The following CD99 variants were observed in gnomAD, a reference collection of about 807,000 sequenced individuals.
The protein encoded by CD99 is CD99 antigen.
A neutral mutation model predicts 28.4 loss-of-function variants in CD99; 19 were observed. The observed-to-expected ratio is 0.67, with a 90% CI of 0.47 to 0.98. The LOEUF (loss-of-function observed/expected upper bound fraction) is 0.98. Ranked by LOEUF, CD99 falls within the 50% of genes least tolerant of loss-of-function variation. CD99 has a pLI of 0.00. For synonymous variants in CD99, 103 were observed against 92.1 expected (o/e 1.12, Z -0.67); for missense variants, 283 against 248.8 (o/e 1.14, Z -0.92).
intron 2 of CD99, 100 bp from the exon 3 acceptor site, chrX:2,717,505 C>T (rs1364520629): frequency 3.7e-5 from 36 of 961,616 alleles, no homozygotes; most frequent in Admixed American, 7.5e-5. Context: ...AAACATTCTC[C>T]GACTGTTTCC....
At chrX:2,727,232 C>T (rs776492369) in intron 8 of CD99, 5 of 755,892 alleles carry the variant, frequency 6.6e-6, no homozygotes, top group South Asian at 2.8e-5. Context: ...TTTCTTGGAT[C>T]GGGACTAAAA....
At chrX:2,730,490 A>T (rs929729634) in intron 8 of CD99, among the ~76,000 whole-genome samples, 7 of 152,168 alleles carry the variant, frequency 4.6e-5, no homozygotes, top group Admixed American at 3.9e-4. Context: ...AATTTTTTTT[A>T]AAAAAGCATC....
chrX:2,723,977 A>G (rs866684066), intron 7 of CD99, among the ~76,000 whole-genome samples: 1 of 139,464 alleles, frequency 7.2e-6, no homozygotes, highest in African/African-American at 2.9e-5. Flanking sequence ...AGGGAAGGAA[A>G]GAAGGAAGGA....
At position 2,722,653 on chromosome X, in the gene CD99, G is replaced by A. The variant is rs1401727020; in HGVS notation, c.289G>A (p.Asp97Asn). The A allele has an allele frequency of 2.5e-6, 4 of 1,613,976 alleles. No individual in the cohort carries two copies. The highest frequency in any genetic ancestry group is 1.7e-5 in the Admixed American group (1 of 60,016). The part of the protein sequence containing the change: ...SGSFSDADLA[D>N]GVSGGEGKGG... The stretch of plus-strand genomic sequence containing the variant: ...TAGCTTTTCAGATGCTGACCTTGCG[G>A]ATGGCGTTTCAGGTGGAGAAGGTAC... Residue 97 changes from aspartate to asparagine, a missense_variant, in exon 6 of 10, where the codon GAT becomes AAT. Transcript: ENST00000381192.
intron 1 of CD99, among the ~76,000 whole-genome samples, chrX:2,710,300 A>G (rs1467370180): frequency 6.6e-6 from 1 of 152,096 alleles, no homozygotes; most frequent in Admixed American, 6.5e-5. Flanking sequence ...TGGTCTTAGA[A>G]ACCTTCCGAG....
At chrX:2,701,914 T>A (rs1387768765) in intron 1 of CD99, among the ~76,000 whole-genome samples, 8 of 152,186 alleles carry the variant, frequency 5.3e-5, no homozygotes, top group Admixed American at 3.3e-4. Context: ...CTGTAACAGG[T>A]CCCTGCCTGC....
intron 6 of CD99, 42 bp downstream of exon 6, chrX:2,722,716 C>G (rs750207884): frequency 6.4e-7 from 1 of 1,572,368 alleles, no homozygotes; most frequent in Non-Finnish European, 8.8e-7. Flanking sequence ...CTCTCCATCC[C>G]ATGATGCCCA....
chrX:2,737,762 C>G (rs1175778260), intron 8 of CD99: 1 of 325,498 alleles, frequency 3.1e-6, no homozygotes, highest in Non-Finnish European at 6.0e-6. Context: ...TCCCAAAGTG[C>G]TGGGATTACA....
intron 8 of CD99, among the ~76,000 whole-genome samples, chrX:2,734,194 TTTTC>T (rs1412342678): frequency 6.6e-6 from 1 of 152,026 alleles, no homozygotes; most frequent in Non-Finnish European, 1.5e-5. Context: ...TTTCTTTTAC[TTTTC>T]TTATTTTTTT....
intron 1 of CD99, among the ~76,000 whole-genome samples, chrX:2,698,977 A>C (rs1055120332): frequency 1.1e-4 from 17 of 150,874 alleles, no homozygotes; most frequent in Non-Finnish European, 2.5e-4. Context: ...CCCAGGCTGG[A>C]GTGCAGTGGT....
At chrX:2,703,597 A>G (rs762294128) in intron 1 of CD99, among the ~76,000 whole-genome samples, 1 of 141,492 alleles carries the variant, frequency 7.1e-6, no homozygotes, top group Non-Finnish European at 1.5e-5. Flanking sequence ...TAACAAACCG[A>G]GCTGTTAAGT....
chrX:2,706,086 G>A (rs1483623629), intron 1 of CD99, among the ~76,000 whole-genome samples: 7 of 151,764 alleles, frequency 4.6e-5, no homozygotes, highest in Non-Finnish European at 8.8e-5. Context: ...AGAGCCGGGC[G>A]CGGTGGCTCA....
chrX:2,730,976 T>C (rs1310147801), intron 8 of CD99, among the ~76,000 whole-genome samples: 2 of 151,540 alleles, frequency 1.3e-5, no homozygotes, highest in Non-Finnish European at 2.9e-5. Flanking sequence ...CAAGGCACTC[T>C]TCTATAAATA....
At chrX:2,737,761 G>A (rs2050018264) in intron 8 of CD99, 41 of 327,298 alleles carry the variant, frequency 1.3e-4, no homozygotes, top group South Asian at 1.1e-3. Flanking sequence ...CTCCCAAAGT[G>A]CTGGGATTAC....
chrX:2,708,492 G>A (rs775777347), intron 1 of CD99, among the ~76,000 whole-genome samples: 1 of 152,274 alleles, frequency 6.6e-6, no homozygotes, highest in South Asian at 2.1e-4. Context: ...GAGGTCGAGG[G>A]CCCAAGGTCG....
intron 1 of CD99, among the ~76,000 whole-genome samples, chrX:2,701,915 C>T (rs1323307595): frequency 6.6e-6 from 1 of 152,182 alleles, no homozygotes; most frequent in African/African-American, 2.4e-5. Context: ...TGTAACAGGT[C>T]CCTGCCTGCA....
chrX:2,734,200 TATTTTTTTCTTTCTTTTC>T (rs2049817986), intron 8 of CD99, among the ~76,000 whole-genome samples: 1 of 151,754 alleles, frequency 6.6e-6, no homozygotes, highest in Non-Finnish European at 1.5e-5. Flanking sequence ...TTACTTTTCT[TATTTTTTTCTTTCTTTTC>T]ATTTTTTTCT....
At chrX:2,736,485 AAAG>A (rs2049946557) in intron 8 of CD99, among the ~76,000 whole-genome samples, 2 of 152,102 alleles carry the variant, frequency 1.3e-5, no homozygotes, top group East Asian at 3.9e-4. Flanking sequence ...GTGGGTCAGA[AAAG>A]AAGCGACACC....
intron 7 of CD99, among the ~76,000 whole-genome samples, chrX:2,725,408 A>C: frequency 6.6e-6 from 1 of 152,240 alleles, no homozygotes; most frequent in South Asian, 2.1e-4. Context: ...AAAATAATAC[A>C]CAATAATAAT....
Sources: gnomAD v4.1 joint callset for allele counts (sites outside exome capture counted in the v4.1 genomes callset) on GRCh38, gnomAD v4.1.1 for gene constraint, MANE v1.5 for transcripts, NCBI Gene and HGNC (gene_info 2026-07-23, HGNC 2026-07-21) for gene names.